Variants in DRD3 observed in about 807,000 individuals in gnomAD.
DRD3 encodes D(3) dopamine receptor.
A neutral mutation model predicts 36.3 loss-of-function variants in DRD3; 19 were observed. The observed-to-expected ratio is 0.52, with a 90% confidence interval of 0.36 to 0.77. DRD3 has a LOEUF of 0.77. Among genes scored for constraint, DRD3 ranks in the 30% least tolerant of loss-of-function variants. The pLI, the probability that DRD3 is intolerant of heterozygous loss-of-function variation, is 0.00. For synonymous variants in DRD3, 195 were observed against 203.7 expected, an observed-to-expected ratio of 0.96 and a Z score of 0.36; for missense variants, 465 against 505.3, an observed-to-expected ratio of 0.92 and a Z score of 0.77.
chr3:114,131,476 G>C, intron 5 of DRD3, 76 bp from the exon 6 acceptor site: 2 of 1,522,230 alleles, frequency 1.3e-6, no homozygotes, highest in Non-Finnish European at 1.8e-6. Context: ...GAAAGGGCCA[G>C]AGAATTCAAA....
chr3:114,174,182 C>CCGCTGCTG (rs1455853306), intron 1 of DRD3, among the ~76,000 whole-genome samples: 1 of 152,190 alleles, frequency 6.6e-6, no homozygotes, highest in African/African-American at 2.4e-5. Context: ...GGAGATAGCA[C>CCGCTGCTG]CGCTGCTGCC....
chr3:114,174,545 T>C (rs554343905), intron 1 of DRD3, among the ~76,000 whole-genome samples: 1 of 152,332 alleles, frequency 6.6e-6, no homozygotes, highest in African/African-American at 2.4e-5. Context: ...GATGTTGGAA[T>C]CACAGTTGCA....
At chr3:114,136,948 C>T (rs1308810570) in intron 5 of DRD3, among the ~76,000 whole-genome samples, 2 of 152,186 alleles carry the variant, frequency 1.3e-5, no homozygotes, top group Non-Finnish European at 2.9e-5. Context: ...GTTCCCTTGA[C>T]GTCTGTTTCC....
chr3:114,176,402 A>G (rs2077899453), intron 1 of DRD3, among the ~76,000 whole-genome samples: 1 of 152,148 alleles, frequency 6.6e-6, no homozygotes, highest in Non-Finnish European at 1.5e-5. Context: ...GTTTGAGATC[A>G]GCCTGGGCAA....
At chr3:114,164,791 C>G (rs373149380) in intron 2 of DRD3, among the ~76,000 whole-genome samples, 2 of 152,192 alleles carry the variant, frequency 1.3e-5, no homozygotes, top group Non-Finnish European at 2.9e-5. Flanking sequence ...CTCGCGCTGT[C>G]GCCCGGCTGG....
At position 114,137,763 on chromosome 3, in the gene DRD3, G is replaced by T. The variant is rs571686678; in HGVS notation, c.723+1737C>A. On this transcript the variant is annotated intron_variant, in intron 5 of 6. Transcript: ENST00000383673. ...TCCCAGCACTTTGGGAGGCCGAAGC[G>T]TGCGGATCACGAGGTCAGGAGATCG... Among the ~76,000 whole-genome samples, 60 of 151,850 alleles carry T rather than the reference G, an allele frequency of 4.0e-4. 1 individual carries two copies. Among genetic ancestry groups the T allele is most frequent in the Non-Finnish European group, 2.8e-4 (19 of 67,944 alleles).
At chr3:114,173,489 C>A (rs113325091) in intron 1 of DRD3, among the ~76,000 whole-genome samples, 10,040 of 152,194 alleles carry the variant, frequency 0.066, 372 homozygotes, top group South Asian at 0.11. Context: ...CATTCTAAAT[C>A]TCTCACTCTG....
chr3:114,171,815 G>C lies in DRD3; in HGVS notation c.178C>G (p.Leu60Val). Reference protein sequence around the residue: ...VCMAVLKERALQTTTNYLVVS... With the variant: ...VCMAVLKERAVQTTTNYLVVS... ...ACTAAGTAGTTGGTGGTAGTCTGCA[G>C]GGCCCGCTCCTTCAGCACAGCCATG... Residue 60 changes from leucine to valine, a missense_variant, in exon 2 of 7, where the codon CTG becomes GTG. Transcript: ENST00000383673. 1 of 1,614,140 alleles carries C rather than the reference G, an allele frequency of 6.2e-7. No homozygotes were observed. The highest frequency in any genetic ancestry group is 8.5e-7 in the Non-Finnish European group (1 of 1,179,992).
intron 3 of DRD3, among the ~76,000 whole-genome samples, chr3:114,158,352 G>A (rs1351679824): frequency 6.6e-6 from 1 of 152,166 alleles, no homozygotes; most frequent in Admixed American, 6.5e-5. Context: ...TGGTATGTGA[G>A]TTATATCTTC....
intron 5 of DRD3, among the ~76,000 whole-genome samples, chr3:114,134,164 A>T (rs1018288478): frequency 2.6e-5 from 4 of 152,230 alleles, no homozygotes; most frequent in African/African-American, 9.6e-5. Flanking sequence ...CCTTAGTTCA[A>T]GGAAGCAGTC....
rs188754796 is a variant in DRD3 at position 114,134,772 on chromosome 3, T to C, written c.724-3372A>G. ...AGAGGTATTCTTAGGAATTCTAGAA[T>C]AATATACATTTTTTTCTTGAAGATT... On this transcript the variant is annotated intron_variant, in intron 5 of 6. Coordinates refer to ENST00000383673, the MANE Select transcript of DRD3 (RefSeq NM_000796.6). 5.6e-4 allele frequency among the ~76,000 whole-genome samples: 86 copies of C among 152,300 alleles called. 3 individuals are homozygous for C. In the South Asian group the frequency reaches 0.016, roughly 28 times the overall value.
At chr3:114,174,876 G>T (rs1157319225) in intron 1 of DRD3, among the ~76,000 whole-genome samples, 1 of 151,842 alleles carries the variant, frequency 6.6e-6, no homozygotes, top group Non-Finnish European at 1.5e-5. Flanking sequence ...AAGAAGCAAA[G>T]AGCCTAGAGA....
chr3:114,143,278 C>T (rs59436054), intron 4 of DRD3, among the ~76,000 whole-genome samples: 1 of 152,162 alleles, frequency 6.6e-6, no homozygotes, highest in East Asian at 1.9e-4. Context: ...AGGCCTGTGC[C>T]GGGGGAGGGG....
chr3:114,138,155 C>T (rs12487548), intron 5 of DRD3, among the ~76,000 whole-genome samples: 124,338 of 139,872 alleles, frequency 0.89, 56,380 homozygotes, highest in East Asian at 0.99. Flanking sequence ...GGTGACAGAG[C>T]GAGACTCTGT....
chr3:114,163,137 A>T (rs2077749379), intron 2 of DRD3, among the ~76,000 whole-genome samples: 1 of 152,128 alleles, frequency 6.6e-6, no homozygotes, highest in Non-Finnish European at 1.5e-5. Flanking sequence ...TCTCTCCTTG[A>T]TTTCAGCTAA....
At chr3:114,184,436 T>C (rs2077964073) in intron 1 of DRD3, among the ~76,000 whole-genome samples, 1 of 152,186 alleles carries the variant, frequency 6.6e-6, no homozygotes, top group Non-Finnish European at 1.5e-5. Flanking sequence ...TGTTTTCTTT[T>C]AAATGTATTA....
At chr3:114,130,627 G>T (rs1397722559) in intron 6 of DRD3, among the ~76,000 whole-genome samples, 1 of 151,936 alleles carries the variant, frequency 6.6e-6, no homozygotes, top group Admixed American at 6.6e-5. Flanking sequence ...GGTTTACCGT[G>T]TTAGCCAGGA....
At chr3:114,171,687 A>G in intron 2 of DRD3, 36 bp downstream of exon 2, 1 of 1,515,966 alleles carries the variant, frequency 6.6e-7, no homozygotes, top group East Asian at 2.4e-5. Context: ...GTACTAGCAC[A>G]GTCATAGAGA....
intron 3 of DRD3, among the ~76,000 whole-genome samples, chr3:114,152,118 T>A (rs987412259): frequency 1.3e-5 from 2 of 152,218 alleles, no homozygotes; most frequent in Non-Finnish European, 2.9e-5. Flanking sequence ...AGTATTTGGT[T>A]ACATAAGTTC....
Sources: allele counts gnomAD v4.1 joint callset (sites outside exome capture counted in the v4.1 genomes callset), GRCh38; gene constraint gnomAD v4.1.1; transcripts MANE v1.5; gene names NCBI Gene and HGNC (gene_info 2026-07-23, HGNC 2026-07-21).